The following ARHGAP35 variants were observed in gnomAD, a reference collection of about 807,000 sequenced individuals.
ARHGAP35 encodes the protein rho GTPase-activating protein 35.
Under a neutral mutation model 111.1 loss-of-function variants are expected in ARHGAP35, and 15 were observed. The ratio of observed to expected loss-of-function variants is 0.13; its 90% CI spans 0.09 to 0.21. The LOEUF (loss-of-function observed/expected upper bound fraction) is 0.21, where lower values mean the gene tolerates loss of function less well. ARHGAP35 is among the 10% of genes least tolerant of loss of function. The probability of loss-of-function intolerance (pLI) is 1.00; values close to 1 mark genes in which losing one functional copy is unlikely to be tolerated. For missense variants in ARHGAP35, 1,262 were observed against 1,873.0 expected (o/e 0.67, Z 6.02); for synonymous variants, 643 against 710.3 (o/e 0.91, Z 1.51).
At chr19:46,866,269 G>A (rs931620597) in intron 1 of ARHGAP35, among the ~76,000 whole-genome samples, 2 of 152,210 alleles carry the variant, frequency 1.3e-5, no homozygotes, top group African/African-American at 4.8e-5. Flanking sequence ...GAAGAGAGAA[G>A]GTGACTAGCA....
At chr19:46,959,306 C>T (rs780770676) in intron 3 of ARHGAP35, among the ~76,000 whole-genome samples, 3 of 152,020 alleles carry the variant, frequency 2.0e-5, no homozygotes, top group East Asian at 1.9e-4. Context: ...TCAAGTGATT[C>T]GGCCTCCCAA....
rs1178692280 is a variant in ARHGAP35, at chr19:46,990,643, T to C, written c.4036+968T>C. ...GGGGCAAGACATTAGTCTCATCTTGTCACTGCCCACCTCTAAAGAGGGAGC... is the reference window on the plus strand; with the variant it reads ...GGGGCAAGACATTAGTCTCATCTTGCCACTGCCCACCTCTAAAGAGGGAGC... On this transcript the variant is annotated intron_variant, in intron 5 of 6. Transcript: ENST00000672722. 2.6e-5 allele frequency among the ~76,000 whole-genome samples: 4 copies of C among 152,276 alleles called. No individual in the cohort carries two copies. The East Asian group carries it at 5.8e-4, about 22-fold the overall frequency.
At chr19:46,903,369 G>A (rs549914872) in intron 1 of ARHGAP35, among the ~76,000 whole-genome samples, 9 of 152,200 alleles carry the variant, frequency 5.9e-5, no homozygotes, top group South Asian at 4.2e-4. Context: ...ATTTTAAGAC[G>A]ATTCAAAAGA....
At chr19:46,864,765 G>A (rs565841969) in intron 1 of ARHGAP35, among the ~76,000 whole-genome samples, 2 of 152,168 alleles carry the variant, frequency 1.3e-5, no homozygotes, top group South Asian at 2.1e-4. Context: ...GTTCATTTCC[G>A]TTGGTAAATT....
intron 1 of ARHGAP35, among the ~76,000 whole-genome samples, chr19:46,863,254 C>G (rs2055838589): frequency 6.6e-6 from 1 of 152,204 alleles, no homozygotes; most frequent in Non-Finnish European, 1.5e-5. Context: ...TCTCCAGGCT[C>G]TGAGACTGCA....
At chr19:46,928,581 G>T (rs779468935) in intron 2 of ARHGAP35, among the ~76,000 whole-genome samples, 1 of 151,988 alleles carries the variant, frequency 6.6e-6, no homozygotes, top group Non-Finnish European at 1.5e-5. Context: ...GCCACGAGTT[G>T]TCTTCTCGGG....
At chr19:46,931,382 A>C (rs887212872) in intron 2 of ARHGAP35, among the ~76,000 whole-genome samples, 1 of 152,024 alleles carries the variant, frequency 6.6e-6, no homozygotes, top group Non-Finnish European at 1.5e-5. Flanking sequence ...TTCTTGCCCC[A>C]GTGGACTTGG....
At chr19:46,879,260 G>C (rs1447426661) in intron 1 of ARHGAP35, among the ~76,000 whole-genome samples, 1 of 152,098 alleles carries the variant, frequency 6.6e-6, no homozygotes, top group Non-Finnish European at 1.5e-5. Context: ...TTGGAGACCA[G>C]CCTGGCCAAC....
intron 3 of ARHGAP35, among the ~76,000 whole-genome samples, chr19:46,957,682 A>C (rs1304422565): frequency 2.0e-5 from 3 of 152,190 alleles, no homozygotes; most frequent in Admixed American, 1.3e-4. Context: ...AGGATGAATA[A>C]ATTTGTGAGA....
intron 1 of ARHGAP35, among the ~76,000 whole-genome samples, chr19:46,889,240 C>T (rs1221524634): frequency 6.6e-6 from 1 of 152,086 alleles, no homozygotes; most frequent in Non-Finnish European, 1.5e-5. Context: ...CTGAGGTGGG[C>T]AGTTCACGAG....
chr19:46,910,361 G>A (rs2122180538), intron 1 of ARHGAP35, among the ~76,000 whole-genome samples: 1 of 152,034 alleles, frequency 6.6e-6, no homozygotes, highest in East Asian at 1.9e-4. Context: ...TGTGATCTTG[G>A]CTCACTGCAA....
At chr19:46,976,355 C>G (rs1164023790) in intron 3 of ARHGAP35, among the ~76,000 whole-genome samples, 1 of 152,000 alleles carries the variant, frequency 6.6e-6, no homozygotes. Flanking sequence ...CTTGCCTGTT[C>G]CAGATAAGCA....
chr19:46,891,438 T>G (rs370193324), intron 1 of ARHGAP35, among the ~76,000 whole-genome samples: 42 of 151,800 alleles, frequency 2.8e-4, no homozygotes, highest in African/African-American at 9.2e-4. Flanking sequence ...TTTTTTGTTT[T>G]TTTTTTTTAG....
chr19:46,930,939 A>C (rs1049925780), intron 2 of ARHGAP35, among the ~76,000 whole-genome samples: 1 of 152,108 alleles, frequency 6.6e-6, no homozygotes, highest in Non-Finnish European at 1.5e-5. Flanking sequence ...TTAAAAAAAA[A>C]CAAACCAAGA....
At chr19:46,929,339 G>GAA (rs1020479445) in intron 2 of ARHGAP35, among the ~76,000 whole-genome samples, 1 of 152,134 alleles carries the variant, frequency 6.6e-6, no homozygotes, top group African/African-American at 2.4e-5. Context: ...TTGCCAATCA[G>GAA]AAAGGCACGA....
chr19:46,944,721 T>C (rs976128256), intron 3 of ARHGAP35, among the ~76,000 whole-genome samples: 2 of 152,164 alleles, frequency 1.3e-5, no homozygotes, highest in Admixed American at 1.3e-4. Context: ...GTGAGTAAAG[T>C]GCCAAATCCT....
chr19:46,940,970 G>A (rs1050726505), intron 3 of ARHGAP35, among the ~76,000 whole-genome samples: 1 of 146,796 alleles, frequency 6.8e-6, no homozygotes, highest in Non-Finnish European at 1.5e-5. Flanking sequence ...GATGCAGGTC[G>A]CACTCATAAT....
At chr19:46,998,371 A>C (rs1027638601) in intron 5 of ARHGAP35, among the ~76,000 whole-genome samples, 1 of 152,148 alleles carries the variant, frequency 6.6e-6, no homozygotes, top group African/African-American at 2.4e-5. Flanking sequence ...CCTGGAGTCC[A>C]CGAAGGAAAC....
Position 46,918,785 on chromosome 19 carries a change from G to T in ARHGAP35, c.110G>T (p.Cys37Phe). The change falls in exon 2 of 7, where the codon TGT becomes TTT. Residue 37 changes from cysteine to phenylalanine, a missense_variant. Cys to Phe is a radical substitution (Grantham distance 205). Transcript: ENST00000672722. The surrounding 1 kb of genome is among the most constrained non-coding windows in gnomAD (Gnocchi z 5.4). ...GGCCAGTGTGGGATTGGAAAGTCTT[G>T]TTTGTGCAACCGCTTCGTGCGCCCG... is the stretch of plus-strand genomic sequence containing the variant. ...EKGQCGIGKSCLCNRFVRPSA... is the reference protein window; with the variant it reads ...EKGQCGIGKSFLCNRFVRPSA... The T allele has an allele frequency of 6.2e-7, 1 of 1,613,986 alleles. No individual in the cohort carries two copies. The highest frequency in any genetic ancestry group is 8.5e-7 in the Non-Finnish European group (1 of 1,179,900).
Sources: allele counts gnomAD v4.1 joint callset (sites outside exome capture counted in the v4.1 genomes callset), GRCh38; gene constraint gnomAD v4.1.1; non-coding constraint Gnocchi (gnomAD v3.1); transcripts MANE v1.5; gene names NCBI Gene and HGNC (gene_info 2026-07-23, HGNC 2026-07-21).